Variants in ADAMTSL1 observed in about 807,000 individuals in gnomAD.
The protein encoded by ADAMTSL1 is ADAMTS-like protein 1.
A neutral mutation model predicts 201.8 loss-of-function variants in ADAMTSL1; 126 were observed. The ratio of observed to expected loss-of-function variants is 0.62; its 90% CI spans 0.54 to 0.72. The LOEUF is 0.72. Ranked by LOEUF, ADAMTSL1 falls within the 30% of genes least tolerant of loss-of-function variation. ADAMTSL1 has a pLI of 0.00. For synonymous variants in ADAMTSL1, 1,121 were observed against 903.4 expected (o/e 1.24, Z -4.32); for missense variants, 2,679 against 2,277.8 (o/e 1.18, Z -3.59).
intron 2 of ADAMTSL1, among the ~76,000 whole-genome samples, chr9:18,215,434 A>G (rs1830024563): frequency 6.6e-6 from 1 of 152,206 alleles, no homozygotes; most frequent in Non-Finnish European, 1.5e-5. Flanking sequence ...TATGAAGTAA[A>G]CATATTTATG....
intron 1 of ADAMTSL1, among the ~76,000 whole-genome samples, chr9:18,037,765 G>A (rs973653652): frequency 3.3e-5 from 5 of 152,096 alleles, no homozygotes; most frequent in African/African-American, 1.2e-4. Flanking sequence ...TCTTACGTGA[G>A]TGAAGTAAAA....
intron 2 of ADAMTSL1, among the ~76,000 whole-genome samples, chr9:18,236,921 A>G (rs1259788608): frequency 6.6e-6 from 1 of 152,190 alleles, no homozygotes; most frequent in Non-Finnish European, 1.5e-5. Flanking sequence ...GTGCACCTAC[A>G]ATTACTGAAT....
At chr9:18,240,180 A>G (rs1040247976) in intron 2 of ADAMTSL1, among the ~76,000 whole-genome samples, 12 of 152,290 alleles carry the variant, frequency 7.9e-5, no homozygotes, top group Middle Eastern at 3.4e-3. Flanking sequence ...GCATCTCTTA[A>G]ATAATAAGAT....
At chr9:18,682,069 T>A in intron 12 of ADAMTSL1, 110 bp downstream of exon 12, 1 of 1,236,600 alleles carries the variant, frequency 8.1e-7, no homozygotes, top group Non-Finnish European at 1.1e-6. Context: ...TAGTAAGAAT[T>A]CTTTATAACT....
At chr9:18,651,850 C>T (rs1380681621) in intron 7 of ADAMTSL1, among the ~76,000 whole-genome samples, 2 of 151,870 alleles carry the variant, frequency 1.3e-5, no homozygotes, top group Non-Finnish European at 2.9e-5. Flanking sequence ...GGTAACAATA[C>T]AAGGAGTCTG....
At chr9:18,524,415 A>C (rs573631413) in intron 2 of ADAMTSL1, among the ~76,000 whole-genome samples, 2 of 152,104 alleles carry the variant, frequency 1.3e-5, no homozygotes, top group Non-Finnish European at 2.9e-5. Flanking sequence ...CTCTTTTCCT[A>C]ATTGAATACC....
chr9:18,865,813 C>G (rs1394441740), intron 23 of ADAMTSL1, among the ~76,000 whole-genome samples: 1 of 152,134 alleles, frequency 6.6e-6, no homozygotes, highest in African/African-American at 2.4e-5. Flanking sequence ...GCGTCCTCCT[C>G]AGCCACCTCA....
chr9:18,342,505 A>T (rs56030218), intron 2 of ADAMTSL1, among the ~76,000 whole-genome samples: 12,379 of 152,204 alleles, frequency 0.081, 688 homozygotes, highest in Non-Finnish European at 0.12. Flanking sequence ...TTTTAGTTAC[A>T]TCTCTCTAAG....
At chr9:18,666,104 T>G (rs1248395739) in intron 9 of ADAMTSL1, among the ~76,000 whole-genome samples, 3 of 152,158 alleles carry the variant, frequency 2.0e-5, no homozygotes, top group Non-Finnish European at 4.4e-5. Flanking sequence ...TAACTCGACA[T>G]TGTGCTGAGG....
At chr9:18,790,569 G>C (rs777880125) in intron 19 of ADAMTSL1, among the ~76,000 whole-genome samples, 1 of 152,160 alleles carries the variant, frequency 6.6e-6, no homozygotes, top group Non-Finnish European at 1.5e-5. Flanking sequence ...TCCTGAAAGA[G>C]ATTATACTTG....
intron 2 of ADAMTSL1, among the ~76,000 whole-genome samples, chr9:18,525,858 T>C (rs1208370729): frequency 6.6e-6 from 1 of 152,224 alleles, no homozygotes; most frequent in East Asian, 1.9e-4. Flanking sequence ...AGAGCTTTAC[T>C]TCCAACAATG....
Position 18,887,929 on chromosome 9 carries a change from G to T in ADAMTSL1, c.4348G>T (p.Ala1450Ser), listed in dbSNP as rs1563890089. The change falls in exon 24 of 29, where the codon GCT becomes TCT. Residue 1450 changes from alanine to serine, a missense_variant. By Grantham distance (99) the Ala-to-Ser change is moderately conservative. Transcript: ENST00000380548. The stretch of plus-strand genomic sequence containing the variant: ...AGGACTGACGCATCACATCTTGGCA[G>T]CTGGACAGATCCTTCAAGTTGCAAA... ...ATGLTHHILA[A>S]GQILQVANLS... 6.2e-7 allele frequency: 1 copy of T among 1,613,990 alleles called. No individual in the cohort carries two copies. Among genetic ancestry groups the T allele is most frequent in the Non-Finnish European group, 8.5e-7 (1 of 1,179,896 alleles).
chr9:18,747,118 T>G lies in ADAMTSL1; in HGVS notation c.2007-6180T>G, dbSNP rs938822861. Among the ~76,000 whole-genome samples the G allele has an allele frequency of 1.4e-4, 22 of 152,304 alleles. 1 individual carries two copies. The highest frequency in any genetic ancestry group is 1.2e-3 in the Admixed American group (18 of 15,302). ...ATTTGCCACTCAGGTCTATTAATAC[T>G]TTGTTCTATTGACCTTAAGAGAGAG... is the stretch of plus-strand genomic sequence containing the variant. On this transcript the variant is annotated intron_variant, in intron 15 of 28. Transcript: ENST00000380548.
chr9:18,764,746 T>C (rs1820265118), intron 16 of ADAMTSL1, among the ~76,000 whole-genome samples: 1 of 152,236 alleles, frequency 6.6e-6, no homozygotes, highest in African/African-American at 2.4e-5. Context: ...GTGAAGGGCA[T>C]TGTCAGGAGT....
intron 2 of ADAMTSL1, among the ~76,000 whole-genome samples, chr9:18,399,179 G>A (rs1817865424): frequency 6.7e-6 from 1 of 149,978 alleles, no homozygotes; most frequent in African/African-American, 2.5e-5. Flanking sequence ...GTAAATCAAG[G>A]GTTGAAGAAA....
chr9:18,385,101 A>T (rs1393201944), intron 2 of ADAMTSL1, among the ~76,000 whole-genome samples: 1 of 152,176 alleles, frequency 6.6e-6, no homozygotes, highest in East Asian at 1.9e-4. Flanking sequence ...ATGGGGTCAC[A>T]TTACAAGCAA....
At chr9:18,818,106 T>A (rs1209387917) in intron 21 of ADAMTSL1, among the ~76,000 whole-genome samples, 1 of 152,192 alleles carries the variant, frequency 6.6e-6, no homozygotes, top group Admixed American at 6.5e-5. Context: ...CAGCTACTAT[T>A]TTTCCCTTCA....
At chr9:18,711,315 T>A (rs1832575165) in intron 14 of ADAMTSL1, among the ~76,000 whole-genome samples, 1 of 152,192 alleles carries the variant, frequency 6.6e-6, no homozygotes. Context: ...GGGTGATTTC[T>A]GCATTTCCAT....
intron 2 of ADAMTSL1, among the ~76,000 whole-genome samples, chr9:18,526,734 G>C (rs115786225): frequency 0.018 from 2,702 of 152,064 alleles, 63 homozygotes; most frequent in African/African-American, 0.057. Flanking sequence ...TGGCTCATTG[G>C]GGGCAACCTC....
Sources: allele counts gnomAD v4.1 joint callset (sites outside exome capture counted in the v4.1 genomes callset), GRCh38; gene constraint gnomAD v4.1.1; transcripts MANE v1.5; gene names NCBI Gene and HGNC (gene_info 2026-07-23, HGNC 2026-07-21).